Variants in TENM2 observed in about 807,000 individuals in gnomAD.
The protein encoded by TENM2 is teneurin transmembrane protein 2.
Under a neutral mutation model 245.2 loss-of-function variants are expected in TENM2, and 52 were observed. The observed-to-expected ratio is 0.21, with a 90% confidence interval of 0.17 to 0.27. The LOEUF (loss-of-function observed/expected upper bound fraction) is 0.27, where lower values mean the gene tolerates loss of function less well. TENM2 is among the 10% of genes least tolerant of loss of function. TENM2 has a pLI of 1.00. For missense variants in TENM2, 3,046 were observed against 3,666.8 expected (o/e 0.83, Z 4.37); for synonymous variants, 1,363 against 1,438.9 (o/e 0.95, Z 1.19).
intron 13 of TENM2, among the ~76,000 whole-genome samples, chr5:168,188,804 G>A (rs539907554): frequency 1.3e-5 from 2 of 152,294 alleles, no homozygotes; most frequent in South Asian, 2.1e-4. Context: ...GGGAGATGTG[G>A]GGTGGGCCGT....
chr5:167,128,102 T>C, the TENM2 span, among the ~76,000 whole-genome samples: 2 of 152,206 alleles, frequency 1.3e-5, no homozygotes, highest in Non-Finnish European at 2.9e-5. Context: ...TTCCTGTGCC[T>C]GCGAATCCTT....
At chr5:167,791,576 A>G (rs1157694594) in intron 2 of TENM2, among the ~76,000 whole-genome samples, 2 of 144,750 alleles carry the variant, frequency 1.4e-5, no homozygotes, top group Non-Finnish European at 3.0e-5. Flanking sequence ...ATAGAAATGA[A>G]TGAGGATAAT....
At chr5:167,784,396 TCTCCTCTTC>T (rs1212092349) in intron 2 of TENM2, among the ~76,000 whole-genome samples, 1 of 152,208 alleles carries the variant, frequency 6.6e-6, no homozygotes, top group Non-Finnish European at 1.5e-5. Context: ...TGCTGCTGCT[TCTCCTCTTC>T]CTCCTCTTCT....
chr5:167,003,527 C>T, the TENM2 span, among the ~76,000 whole-genome samples: 1 of 152,132 alleles, frequency 6.6e-6, no homozygotes, highest in Admixed American at 6.6e-5. Context: ...AAATGACCAG[C>T]TTCTGTCTTG....
chr5:167,920,515 T>TCTCA (rs374313857), intron 3 of TENM2, among the ~76,000 whole-genome samples: 2 of 129,456 alleles, frequency 1.5e-5, no homozygotes, highest in Admixed American at 1.6e-4. Context: ...CGAAACTCCA[T>TCTCA]CACACACACA....
At chr5:167,965,540 C>G (rs1439316173) in intron 4 of TENM2, 1 of 152,004 alleles carries the variant, frequency 6.6e-6, no homozygotes. Flanking sequence ...TATGATCACA[C>G]CCCTGCGCTC....
chr5:167,755,076 T>C lies in TENM2; in HGVS notation c.503-120910T>C, dbSNP rs546132236. On this transcript the variant is annotated intron_variant, in intron 2 of 28. Transcript: ENST00000518659. ...CCGATGGTGAGCCCACCTCTCCTGATCATTAGCGTTGCTGGCACAATTGAA... is the reference window on the plus strand; with the variant it reads ...CCGATGGTGAGCCCACCTCTCCTGACCATTAGCGTTGCTGGCACAATTGAA... 6 of 1,598,838 alleles carry C rather than the reference T, an allele frequency of 3.8e-6. No individual in the cohort carries two copies. The East Asian group carries it at 1.3e-4, about 36-fold the overall frequency.
At chr5:167,968,501 G>A (rs569237288) in intron 4 of TENM2, among the ~76,000 whole-genome samples, 4 of 152,222 alleles carry the variant, frequency 2.6e-5, no homozygotes, top group Admixed American at 6.5e-5. Flanking sequence ...CTTCAATTGC[G>A]AACCAGCATT....
chr5:167,114,848 G>A, the TENM2 span, among the ~76,000 whole-genome samples: 14 of 152,214 alleles, frequency 9.2e-5, no homozygotes, highest in African/African-American at 2.9e-4. Flanking sequence ...ACATACACAT[G>A]AATAGTGGAG....
intron 2 of TENM2, among the ~76,000 whole-genome samples, chr5:167,613,179 T>G (rs1582544980): frequency 1.3e-5 from 2 of 152,174 alleles, no homozygotes; most frequent in East Asian, 1.9e-4. Context: ...AGACACTGGC[T>G]CCACCACTTA....
At chr5:167,345,289 T>A (rs1185306442) in intron 1 of TENM2, among the ~76,000 whole-genome samples, 1 of 152,152 alleles carries the variant, frequency 6.6e-6, no homozygotes, top group Non-Finnish European at 1.5e-5. Flanking sequence ...CTCTCTCCAT[T>A]CGGCTTTAGT....
intron 2 of TENM2, among the ~76,000 whole-genome samples, chr5:167,473,391 C>A (rs972199768): frequency 1.3e-5 from 2 of 152,168 alleles, no homozygotes; most frequent in Non-Finnish European, 2.9e-5. Context: ...CTTTCAGCAT[C>A]ATATAACTTT....
At position 167,778,541 on chromosome 5, in the gene TENM2, G is replaced by T. The variant is rs187032111; in HGVS notation, c.503-97445G>T. Among the ~76,000 whole-genome samples the T allele has an allele frequency of 3.3e-5, 5 of 152,252 alleles. No individual in the cohort carries two copies. In the East Asian group the frequency reaches 9.7e-4, roughly 29 times the overall value. On this transcript the variant is annotated intron_variant, in intron 2 of 28. Transcript: ENST00000518659. ...ATGGTTGTGAGAAAATAGGGTTTCA[G>T]CAAGAGTGTTAGTGGGAGGGGATAG...
chr5:167,103,751 C>A, the TENM2 span, among the ~76,000 whole-genome samples: 13 of 152,096 alleles, frequency 8.5e-5, no homozygotes, highest in Admixed American at 8.5e-4. Context: ...AGATATTTTA[C>A]ACTCCTTGGA....
intron 4 of TENM2, among the ~76,000 whole-genome samples, chr5:167,955,166 G>A (rs1041644431): frequency 6.6e-6 from 1 of 152,112 alleles, no homozygotes; most frequent in Non-Finnish European, 1.5e-5. Context: ...ATTGTAACTG[G>A]CATGAGATGT....
intron 2 of TENM2, among the ~76,000 whole-genome samples, chr5:167,503,558 C>G (rs1367765564): frequency 6.7e-6 from 1 of 150,104 alleles, no homozygotes; most frequent in Non-Finnish European, 1.5e-5. Flanking sequence ...ACTTTAAAAA[C>G]TCTATAATGA....
At chr5:167,183,018 A>T in the TENM2 span, among the ~76,000 whole-genome samples, 1 of 152,138 alleles carries the variant, frequency 6.6e-6, no homozygotes. Context: ...GTCTTAATTT[A>T]TGTTCTCCTG....
exon 24 of TENM2, chr5:168,226,204 A>G (rs530341671): frequency 6.2e-7 from 1 of 1,613,614 alleles, no homozygotes; most frequent in Admixed American, 1.7e-5. Context: ...AACCGTGATG[A>G]TGACGTCACT....
intron 2 of TENM2, among the ~76,000 whole-genome samples, chr5:167,551,733 A>C (rs1772961116): frequency 6.6e-6 from 1 of 152,302 alleles, no homozygotes; most frequent in African/African-American, 2.4e-5. Context: ...AATTTTGTGT[A>C]AGTTGGACAA....
Sources: gnomAD v4.1 joint callset for allele counts (sites outside exome capture counted in the v4.1 genomes callset) on GRCh38, gnomAD v4.1.1 for gene constraint, MANE v1.5 for transcripts, NCBI Gene and HGNC (gene_info 2026-07-23, HGNC 2026-07-21) for gene names.